The following SLFN12L variants were observed in gnomAD, a reference collection of about 807,000 sequenced individuals.
The protein encoded by SLFN12L is schlafen family member 12 like, also known as schlafen family member 12-like.
A neutral mutation model predicts 34.8 loss-of-function variants in SLFN12L; 34 were observed. That is an observed-to-expected ratio of 0.98 (90% CI 0.74 to 1.30). The LOEUF (loss-of-function observed/expected upper bound fraction) is 1.30. Ranked by LOEUF, SLFN12L falls within the 50% of genes most tolerant of loss-of-function variation. The pLI is 0.00. For synonymous variants in SLFN12L, 259 were observed against 247.5 expected (o/e 1.05, Z -0.44); for missense variants, 703 against 696.2 (o/e 1.01, Z -0.11).
intron 2 of SLFN12L, chr17:35,490,809 T>C: frequency 1.5e-6 from 2 of 1,347,790 alleles, no homozygotes; most frequent in East Asian, 2.3e-5. Context: ...AGTGCCTGAC[T>C]CAATAAGAGA....
chr17:35,523,554 T>TC (rs975206829), intron 1 of SLFN12L, among the ~76,000 whole-genome samples: 3 of 152,016 alleles, frequency 2.0e-5, no homozygotes, highest in Non-Finnish European at 2.9e-5. Context: ...AATCTGAGGC[T>TC]CCCCCCCATT....
At chr17:35,515,805 G>A (rs1469939291) in intron 2 of SLFN12L, among the ~76,000 whole-genome samples, 3 of 151,566 alleles carry the variant, frequency 2.0e-5, no homozygotes, top group Non-Finnish European at 2.9e-5. Context: ...CACCACACCC[G>A]GCTAATTTTT....
At chr17:35,518,279 T>A (rs1302587259) in intron 2 of SLFN12L, among the ~76,000 whole-genome samples, 1 of 152,018 alleles carries the variant, frequency 6.6e-6, no homozygotes, top group Non-Finnish European at 1.5e-5. Context: ...TGACCAGGTG[T>A]GGTGGCCCAC....
chr17:35,480,801 C>T (rs1240124683), intron 2 of SLFN12L, among the ~76,000 whole-genome samples: 3 of 152,048 alleles, frequency 2.0e-5, no homozygotes, highest in African/African-American at 4.8e-5. Flanking sequence ...CAAACATCCA[C>T]GTTTACAAGG....
intron 2 of SLFN12L, among the ~76,000 whole-genome samples, chr17:35,493,912 C>G (rs1914938992): frequency 6.6e-6 from 1 of 151,962 alleles, no homozygotes; most frequent in Admixed American, 6.6e-5. Context: ...AGTTGTGGTT[C>G]TTCTTTTCAT....
intron 2 of SLFN12L, chr17:35,514,665 AGAATAGTTCATAACAAGCATATTTG>A (rs1306979100): frequency 6.2e-6 from 2 of 324,980 alleles, no homozygotes; most frequent in East Asian, 2.8e-4. Context: ...ATTTCAATGT[AGAATAGTTCATAACAAGCATATTTG>A]CCCTTCTGCT....
chr17:35,482,726 G>A lies in SLFN12L; in HGVS notation c.87-2531C>T, dbSNP rs139855444. Reference sequence around the variant, plus strand: ...TGGGAGCAAAGGCTGGCCAAACTCCGGAGACATAAATGGCAGTGGGAGGCA... The same window carrying A: ...TGGGAGCAAAGGCTGGCCAAACTCCAGAGACATAAATGGCAGTGGGAGGCA... On this transcript the variant is annotated intron_variant, in intron 2 of 4. Coordinates refer to ENST00000628453, the MANE Select transcript of SLFN12L (RefSeq NM_001363830.2). 6.0e-3 allele frequency among the ~76,000 whole-genome samples: 907 copies of A among 152,288 alleles called. 8 individuals are homozygous for A. Among genetic ancestry groups the A allele is most frequent in the African/African-American group, 0.021 (857 of 41,562 alleles).
rs2142119837 is a variant in SLFN12L at position 35,471,110 on chromosome 17, G to A, written c.*3813C>T. Among the ~76,000 whole-genome samples the A allele has an allele frequency of 6.7e-6, 1 of 150,212 alleles. No individual in the cohort carries two copies. Among genetic ancestry groups the A allele is most frequent in the South Asian group, 2.1e-4 (1 of 4,712 alleles). On this transcript the variant is annotated 3_prime_UTR_variant, in exon 5 of 5. Coordinates refer to ENST00000628453, the MANE Select transcript of SLFN12L (RefSeq NM_001363830.2). ...ATGCCTTTGCTATTGTAAATAGTGG[G>A]GCAATAAACATATGTGTGCATGTGT...
At chr17:35,520,473 G>A (rs1412249360) in intron 2 of SLFN12L, among the ~76,000 whole-genome samples, 13 of 152,202 alleles carry the variant, frequency 8.5e-5, no homozygotes, top group Admixed American at 3.3e-4. Flanking sequence ...GGCTGGGCAC[G>A]ATGGCTCATG....
intron 1 of SLFN12L, among the ~76,000 whole-genome samples, chr17:35,524,581 C>T (rs537510067): frequency 2.0e-4 from 31 of 152,350 alleles, no homozygotes; most frequent in Admixed American, 1.8e-3. Flanking sequence ...CCCAGGCAAA[C>T]GGGGTCTGCA....
chr17:35,523,561 C>T (rs1241266909), intron 1 of SLFN12L, among the ~76,000 whole-genome samples: 1 of 152,194 alleles, frequency 6.6e-6, no homozygotes, highest in African/African-American at 2.4e-5. Context: ...GGCTCCCCCC[C>T]ATTACAAAAG....
chr17:35,491,104 G>T, intron 2 of SLFN12L: 1 of 777,924 alleles, frequency 1.3e-6, no homozygotes, highest in African/African-American at 1.7e-5. Context: ...CTCCCCTGCT[G>T]CAAGATGACC....
intron 2 of SLFN12L, among the ~76,000 whole-genome samples, chr17:35,489,202 G>A (rs1914733117): frequency 6.6e-6 from 1 of 152,132 alleles, no homozygotes; most frequent in Non-Finnish European, 1.5e-5. Flanking sequence ...AAATGGTAGT[G>A]CAGGGATTTT....
rs1187289786 is a variant in SLFN12L, at chr17:35,464,468, T to A, written c.*10455A>T. On this transcript the variant is annotated 3_prime_UTR_variant, in exon 5 of 5. Transcript: ENST00000628453. Reference sequence around the variant, plus strand: ...CCAGTGTCTGCTGTTTCCTTCTTTGTGTTCATAAGTTCTTTCGTTTAGCTC... The same window carrying A: ...CCAGTGTCTGCTGTTTCCTTCTTTGAGTTCATAAGTTCTTTCGTTTAGCTC... 2 of 144,776 alleles carry A rather than the reference T, an allele frequency of 1.4e-5. No homozygotes were observed. Among genetic ancestry groups the A allele is most frequent in the Non-Finnish European group, 3.0e-5 (2 of 65,974 alleles). 9.0% of individuals were successfully genotyped at this position (144,776 alleles called of 1,614,324 possible).
At chr17:35,521,677 A>T (rs1009910970) in intron 2 of SLFN12L, among the ~76,000 whole-genome samples, 13 of 152,150 alleles carry the variant, frequency 8.5e-5, no homozygotes, top group African/African-American at 3.1e-4. Flanking sequence ...GTGAACTATG[A>T]TCACTCCAGC....
At chr17:35,533,252 G>C (rs1442106047) in intron 1 of SLFN12L, among the ~76,000 whole-genome samples, 1 of 152,164 alleles carries the variant, frequency 6.6e-6, no homozygotes, top group Non-Finnish European at 1.5e-5. Context: ...GCATATTAAT[G>C]AACTAGGTAC....
Position 35,530,434 on chromosome 17 carries a change from GGGAAGGGAAGAAAGAAAGAAAGAAA to G in SLFN12L, c.-606+7114_-606+7138del, listed in dbSNP as rs1406563952. 3.7e-3 allele frequency among the ~76,000 whole-genome samples: 43 copies of G among 11,662 alleles called. 3 individuals are homozygous for G. Among genetic ancestry groups the G allele is most frequent in the African/African-American group, 7.6e-3 (42 of 5,534 alleles). 7.7% of individuals were successfully genotyped at this position (11,662 alleles called of 152,430 possible). A position where few individuals can be genotyped will look rare whatever the true frequency, so the allele number is the denominator to read the frequency against. ...GGAAGGAAGGAAGGAAGGAAGGGAA[GGGAAGGGAAGAAAGAAAGAAAGAAA>G]GAAAGAAAGAAAGAAAGAAAGAAAG... On this transcript the variant is annotated intron_variant, in intron 1 of 4. Coordinates refer to ENST00000628453, the MANE Select transcript of SLFN12L (RefSeq NM_001363830.2).
intron 1 of SLFN12L, among the ~76,000 whole-genome samples, chr17:35,530,433 AGGG>A (rs2072389247): frequency 4.9e-4 from 5 of 10,244 alleles, no homozygotes; most frequent in South Asian, 4.5e-3. Flanking sequence ...AAGGAAGGGA[AGGG>A]AAGGGAAGAA....
At chr17:35,536,559 C>G (rs2072463053) in intron 1 of SLFN12L, among the ~76,000 whole-genome samples, 1 of 152,092 alleles carries the variant, frequency 6.6e-6, no homozygotes, top group Non-Finnish European at 1.5e-5. Context: ...TGCATGTAAT[C>G]CCAGCACTTT....
Sources: gnomAD v4.1 joint callset for allele counts (sites outside exome capture counted in the v4.1 genomes callset) on GRCh38, gnomAD v4.1.1 for gene constraint, MANE v1.5 for transcripts, NCBI Gene and HGNC (gene_info 2026-07-23, HGNC 2026-07-21) for gene names.